TLE4: variants seen among roughly 807,000 people sequenced by gnomAD.
TLE4 encodes the protein TLE family member 4, transcriptional corepressor.
In TLE4, 8 loss-of-function variants were observed where a neutral mutation model predicts 92.8. The ratio of observed to expected loss-of-function variants is 0.09; its 90% CI spans 0.05 to 0.16. TLE4 has a LOEUF of 0.16. Ranked by LOEUF, TLE4 falls within the 10% of genes least tolerant of loss-of-function variation. The pLI, the probability that TLE4 is intolerant of heterozygous loss-of-function variation, is 1.00. For synonymous variants in TLE4, 371 were observed against 374.1 expected, an observed-to-expected ratio of 0.99 and a Z score of 0.10; for missense variants, 675 against 997.6, an observed-to-expected ratio of 0.68 and a Z score of 4.36.
chr9:79,648,887 T>A (rs1392239915), intron 6 of TLE4, among the ~76,000 whole-genome samples: 1 of 152,010 alleles, frequency 6.6e-6, no homozygotes, highest in African/African-American at 2.4e-5. Flanking sequence ...GGAAGACAAT[T>A]GTGGGTCAAA....
At chr9:79,632,708 A>G (rs1397050861) in intron 6 of TLE4, among the ~76,000 whole-genome samples, 1 of 152,226 alleles carries the variant, frequency 6.6e-6, no homozygotes, top group Non-Finnish European at 1.5e-5. Flanking sequence ...TGCTTCTTGC[A>G]GCTGATTACT....
At chr9:79,613,532 T>G (rs1261266886) in intron 5 of TLE4, among the ~76,000 whole-genome samples, 2 of 152,136 alleles carry the variant, frequency 1.3e-5, no homozygotes, top group African/African-American at 4.8e-5. Context: ...ACTGAATGCC[T>G]TCATTTGCTC....
Position 79,724,849 on chromosome 9 carries a change from T to TAAAAAAAAAAAAAAAAAAAA in TLE4, c.2215-175_2215-156dup, listed in dbSNP as rs947971071. 1.9e-4 allele frequency among the ~76,000 whole-genome samples: 5 copies of TAAAAAAAAAAAAAAAAAAAA among 25,990 alleles called. 2 individuals are homozygous for TAAAAAAAAAAAAAAAAAAAA. The highest frequency in any genetic ancestry group is 8.1e-4 in the African/African-American group (5 of 6,176). 17.1% of individuals were successfully genotyped at this position (25,990 alleles called of 152,430 possible). On this transcript the variant is annotated intron_variant, in intron 19 of 19. Transcript: ENST00000376552. ...GTGACTGAGGGAGACCCTGTCTTAT[T>TAAAAAAAAAAAAAAAAAAAA]AAAAAAAAAAAAAAAAAAAAAAAAA...
intron 14 of TLE4, among the ~76,000 whole-genome samples, chr9:79,713,889 A>C (rs180807454): frequency 6.6e-6 from 1 of 151,742 alleles, no homozygotes; most frequent in East Asian, 1.9e-4. Flanking sequence ...TTTGAGAGAG[A>C]GTCTCGGTCT....
chr9:79,722,019 G>T lies in TLE4; in HGVS notation c.1986+131G>T. On this transcript the variant is annotated intron_variant, in intron 17 of 19. Transcript: ENST00000376552. Reference sequence around the variant, plus strand: ...ATCTCTACTAAAAGTACAAAAATTAGCTGGGCATGGTGGCATGTGCCTGTA... The same window carrying T: ...ATCTCTACTAAAAGTACAAAAATTATCTGGGCATGGTGGCATGTGCCTGTA... 4 of 1,341,162 alleles carry T rather than the reference G, an allele frequency of 3.0e-6. No individual in the cohort carries two copies. The South Asian group carries it at 6.2e-5, about 21-fold the overall frequency. 83.1% of individuals were successfully genotyped at this position (1,341,162 alleles called of 1,614,324 possible).
In TLE4 at chr9:79,591,891, G is replaced by T. The variant is rs1186883490; in HGVS notation, c.252+15714G>T. Among the ~76,000 whole-genome samples the T allele has an allele frequency of 5.9e-5, 9 of 151,742 alleles. No homozygotes were observed. In the East Asian group the frequency reaches 1.2e-3, roughly 20 times the overall value. On this transcript the variant is annotated intron_variant, in intron 4 of 19. Coordinates refer to ENST00000376552, the MANE Select transcript of TLE4 (RefSeq NM_007005.6). ...GGAGGGAGTGAAAGAAGGAAGAGGAGGAGGGAATGAATGAGTTTGTTGCTT... is the reference window on the plus strand; with the variant it reads ...GGAGGGAGTGAAAGAAGGAAGAGGATGAGGGAATGAATGAGTTTGTTGCTT...
intron 8 of TLE4, among the ~76,000 whole-genome samples, chr9:79,659,479 A>G (rs1378150309): frequency 6.6e-6 from 1 of 152,118 alleles, no homozygotes; most frequent in Non-Finnish European, 1.5e-5. Flanking sequence ...TACCCAGCTT[A>G]TAATCAAACT....
At chr9:79,617,148 G>C (rs2049844058) in intron 5 of TLE4, among the ~76,000 whole-genome samples, 1 of 152,198 alleles carries the variant, frequency 6.6e-6, no homozygotes. Flanking sequence ...AAACGAGCTG[G>C]CTGGCAGTCT....
chr9:79,605,692 C>A (rs1396245727), intron 4 of TLE4, among the ~76,000 whole-genome samples: 2 of 152,052 alleles, frequency 1.3e-5, no homozygotes, highest in African/African-American at 4.8e-5. Flanking sequence ...TCAAGAAGGA[C>A]TTTGTTCTGC....
At chr9:79,626,601 A>G (rs1457122891) in intron 5 of TLE4, among the ~76,000 whole-genome samples, 2 of 152,200 alleles carry the variant, frequency 1.3e-5, no homozygotes, top group Non-Finnish European at 2.9e-5. Context: ...GAGTGCCCCT[A>G]TACAGAGACT....
At chr9:79,639,124 T>A (rs2056619533) in intron 6 of TLE4, among the ~76,000 whole-genome samples, 1 of 152,116 alleles carries the variant, frequency 6.6e-6, no homozygotes, top group East Asian at 1.9e-4. Context: ...TGTGTGGAGC[T>A]GTGGCAGCCA....
At chr9:79,680,256 A>G (rs2064230730) in intron 8 of TLE4, among the ~76,000 whole-genome samples, 1 of 151,178 alleles carries the variant, frequency 6.6e-6, no homozygotes, top group African/African-American at 2.4e-5. Flanking sequence ...TGAGCATGGA[A>G]TGTTCTTCCA....
At chr9:79,623,771 A>G (rs1407239303) in intron 5 of TLE4, among the ~76,000 whole-genome samples, 1 of 148,332 alleles carries the variant, frequency 6.7e-6, no homozygotes, top group South Asian at 2.1e-4. Flanking sequence ...ATAATTGGGC[A>G]TTTGTTTTGT....
chr9:79,636,553 C>G (rs1255647453), intron 6 of TLE4, among the ~76,000 whole-genome samples: 2 of 152,148 alleles, frequency 1.3e-5, no homozygotes, highest in Non-Finnish European at 2.9e-5. Flanking sequence ...TCTCTGTCCT[C>G]TGGATAGCCC....
chr9:79,595,017 C>T (rs1343602038), intron 4 of TLE4, among the ~76,000 whole-genome samples: 4 of 152,150 alleles, frequency 2.6e-5, no homozygotes, highest in Admixed American at 1.3e-4. Context: ...AGCTCAATCT[C>T]ACATTGGCAG....
intron 5 of TLE4, among the ~76,000 whole-genome samples, chr9:79,614,448 C>G (rs1254465605): frequency 6.6e-6 from 1 of 152,068 alleles, no homozygotes; most frequent in Non-Finnish European, 1.5e-5. Flanking sequence ...TTTGTGTGAG[C>G]AGGCCCAGTG....
At chr9:79,679,229 G>A (rs2063914231) in intron 8 of TLE4, among the ~76,000 whole-genome samples, 1 of 152,084 alleles carries the variant, frequency 6.6e-6, no homozygotes. Flanking sequence ...CTAGTTTACA[G>A]TCCCACCAAT....
intron 12 of TLE4, 81 bp downstream of exon 12, chr9:79,708,331 A>C: frequency 6.7e-7 from 1 of 1,499,408 alleles, no homozygotes; most frequent in Non-Finnish European, 9.1e-7. Context: ...CAGTACATTA[A>C]AAGTGCTAAT....
At chr9:79,707,235 G>T (rs764910284) in intron 11 of TLE4, 3 of 1,599,830 alleles carry the variant, frequency 1.9e-6, no homozygotes, top group Middle Eastern at 1.7e-4. Context: ...TTAGTTTGGG[G>T]CTTGAATGTG....
Sources: gnomAD v4.1 joint callset for allele counts (sites outside exome capture counted in the v4.1 genomes callset) on GRCh38, gnomAD v4.1.1 for gene constraint, MANE v1.5 for transcripts, NCBI Gene and HGNC (gene_info 2026-07-23, HGNC 2026-07-21) for gene names.